The following LIN7A variants were observed in gnomAD, a reference collection of about 807,000 sequenced individuals.
LIN7A encodes the protein protein lin-7 homolog A.
In LIN7A, 25 loss-of-function variants were observed where a neutral mutation model predicts 29.8. That is an observed-to-expected ratio of 0.84 (90% confidence interval 0.61 to 1.17). LIN7A has a LOEUF of 1.17. Among genes scored for constraint, LIN7A ranks in the 50% most tolerant of loss-of-function variants. The pLI, the probability that LIN7A is intolerant of heterozygous loss-of-function variation, is 0.00. For synonymous variants in LIN7A, 118 were observed against 107.5 expected (o/e 1.10, Z -0.60); for missense variants, 239 against 287.0 (o/e 0.83, Z 1.21).
At chr12:80,925,251 G>A (rs1247300544) in intron 1 of LIN7A, among the ~76,000 whole-genome samples, 1 of 152,234 alleles carries the variant, frequency 6.6e-6, no homozygotes, top group Non-Finnish European at 1.5e-5. Flanking sequence ...TTTAAAATGT[G>A]TTAATTGAAA....
At chr12:80,808,791 C>T (rs978187370) in intron 5 of LIN7A, among the ~76,000 whole-genome samples, 1 of 152,052 alleles carries the variant, frequency 6.6e-6, no homozygotes, top group African/African-American at 2.4e-5. Context: ...AGGCGTGAGC[C>T]ACCACGCTTG....
In LIN7A at chr12:80,800,358, G is replaced by A. The variant is rs139623674; in HGVS notation, c.*1-2632C>T. On this transcript the variant is annotated intron_variant, in intron 5 of 5. Transcript: ENST00000552864. ...TACAAAATTAGCTGGGTGTGGTGGC[G>A]CATGCCTCTAATCCCAACTACTCGG... 2.4e-3 allele frequency among the ~76,000 whole-genome samples: 360 copies of A among 151,892 alleles called. 16 individuals carry two copies. In the East Asian group the frequency reaches 0.062, roughly 26 times the overall value.
chr12:80,917,582 T>G (rs957918283), intron 1 of LIN7A, among the ~76,000 whole-genome samples: 29 of 152,184 alleles, frequency 1.9e-4, no homozygotes, highest in Admixed American at 1.9e-3. Flanking sequence ...GCCATTTTAT[T>G]TGTAAAAGTA....
intron 2 of LIN7A, among the ~76,000 whole-genome samples, chr12:80,849,549 A>C (rs1281425528): frequency 6.6e-6 from 1 of 152,064 alleles, no homozygotes; most frequent in Admixed American, 6.6e-5. Context: ...ATCATCAAGT[A>C]CCTACCTGAC....
intron 4 of LIN7A, among the ~76,000 whole-genome samples, chr12:80,828,140 A>T (rs1872172209): frequency 6.6e-6 from 1 of 152,206 alleles, no homozygotes; most frequent in Non-Finnish European, 1.5e-5. Context: ...TAGAAGTATA[A>T]ATTGATATAG....
In LIN7A at chr12:80,793,419, G is replaced by A. The variant is rs1283637468; in HGVS notation, c.*4308C>T. ...AGCAAGCTCACACAAATCTGTGCAG[G>A]GAGTATTTCATGACTTCCATGGGGT... On this transcript the variant is annotated 3_prime_UTR_variant, in exon 6 of 6. Transcript: ENST00000552864. 1 of 152,124 alleles carries A rather than the reference G, an allele frequency of 6.6e-6. No homozygotes were observed. The highest frequency in any genetic ancestry group is 1.5e-5 in the Non-Finnish European group (1 of 68,012). The allele number at this position is 152,124 out of a possible 1,614,324, so 9.4% of individuals were successfully genotyped here. A position where few individuals can be genotyped will look rare whatever the true frequency, so the allele number is the denominator to read the frequency against.
intron 1 of LIN7A, among the ~76,000 whole-genome samples, chr12:80,915,200 C>G (rs1285731388): frequency 2.8e-5 from 4 of 143,432 alleles, no homozygotes; most frequent in African/African-American, 1.0e-4. Context: ...CCATTAAAAA[C>G]TGGGTAAAGG....
At chr12:80,824,859 T>C (rs963534857) in intron 4 of LIN7A, among the ~76,000 whole-genome samples, 10 of 152,218 alleles carry the variant, frequency 6.6e-5, no homozygotes, top group African/African-American at 2.2e-4. Context: ...AGAAGGGACA[T>C]ACCTTAAGGT....
intron 4 of LIN7A, chr12:80,845,526 T>C (rs942310140): frequency 1.4e-5 from 6 of 438,582 alleles, no homozygotes; most frequent in Admixed American, 4.3e-5. Context: ...CTCACTGATA[T>C]TTATCATAAC....
intron 2 of LIN7A, among the ~76,000 whole-genome samples, chr12:80,883,082 T>G (rs1216551131): frequency 6.6e-6 from 1 of 151,920 alleles, no homozygotes; most frequent in African/African-American, 2.4e-5. Context: ...CTTTCTTCTC[T>G]CTCTTTCTGT....
intron 5 of LIN7A, among the ~76,000 whole-genome samples, chr12:80,799,164 A>C (rs1260610254): frequency 6.6e-6 from 1 of 152,238 alleles, no homozygotes; most frequent in Non-Finnish European, 1.5e-5. Flanking sequence ...CCTGAGAGAG[A>C]GCACTGGGCA....
chr12:80,924,969 T>C (rs1404968163), intron 1 of LIN7A, among the ~76,000 whole-genome samples: 1 of 152,214 alleles, frequency 6.6e-6, no homozygotes, highest in Non-Finnish European at 1.5e-5. Flanking sequence ...TGCCTGAGTC[T>C]AATTTTAAAG....
At chr12:80,814,443 A>AG (rs1343804948) in intron 4 of LIN7A, among the ~76,000 whole-genome samples, 1 of 152,124 alleles carries the variant, frequency 6.6e-6, no homozygotes, top group Non-Finnish European at 1.5e-5. Flanking sequence ...CCCAGTTTCT[A>AG]GGCCAGATCA....
In LIN7A at chr12:80,836,374, C is replaced by T. The variant is rs138988913; in HGVS notation, c.483+9356G>A. On this transcript the variant is annotated intron_variant, in intron 4 of 5. Coordinates refer to ENST00000552864, the MANE Select transcript of LIN7A (RefSeq NM_004664.4). ...CCATTTCTAACACTATTAAAACTAG[C>T]TCCTGGCATGGTGGCTCAACATCTG... 4.2e-3 allele frequency among the ~76,000 whole-genome samples: 639 copies of T among 152,300 alleles called. 4 individuals are homozygous for T. The highest frequency in any genetic ancestry group is 0.015 in the African/African-American group (604 of 41,550).
intron 2 of LIN7A, among the ~76,000 whole-genome samples, chr12:80,869,944 G>A (rs1184855090): frequency 6.6e-6 from 1 of 152,010 alleles, no homozygotes; most frequent in Non-Finnish European, 1.5e-5. Context: ...CATGAATTTT[G>A]GAGATCATGG....
At chr12:80,820,630 TACACACAC>T (rs3072333) in intron 4 of LIN7A, among the ~76,000 whole-genome samples, 1 of 147,424 alleles carries the variant, frequency 6.8e-6, no homozygotes, top group Non-Finnish European at 1.5e-5. Context: ...GAAGATTAAA[TACACACAC>T]ACACACACAC....
intron 2 of LIN7A, among the ~76,000 whole-genome samples, chr12:80,878,455 G>C (rs1412729934): frequency 6.6e-6 from 1 of 152,148 alleles, no homozygotes; most frequent in Non-Finnish European, 1.5e-5. Context: ...GTTCCTGCTG[G>C]TGGGTTTGTG....
chr12:80,924,650 C>G (rs1417880973), intron 1 of LIN7A, among the ~76,000 whole-genome samples: 2 of 152,180 alleles, frequency 1.3e-5, no homozygotes, highest in Admixed American at 6.5e-5. Flanking sequence ...GCTCATACCC[C>G]TAAAGCCATG....
At chr12:80,861,717 C>A (rs1241432916) in intron 2 of LIN7A, among the ~76,000 whole-genome samples, 1 of 152,218 alleles carries the variant, frequency 6.6e-6, no homozygotes, top group East Asian at 1.9e-4. Flanking sequence ...CTGCTCATAA[C>A]CTGCAGACAA....
Sources: allele counts gnomAD v4.1 joint callset (sites outside exome capture counted in the v4.1 genomes callset), GRCh38; gene constraint gnomAD v4.1.1; transcripts MANE v1.5; gene names NCBI Gene and HGNC (gene_info 2026-07-23, HGNC 2026-07-21).